The following ZNF285 variants were observed in gnomAD, a reference collection of about 807,000 sequenced individuals.
ZNF285 encodes zinc finger protein 285.
Under a neutral mutation model 6.2 loss-of-function variants are expected in ZNF285, and 4 were observed. The observed-to-expected ratio is 0.65, with a 90% CI of 0.32 to 1.49. The LOEUF is 1.49. Among genes scored for constraint, ZNF285 ranks in the 40% most tolerant of loss-of-function variants. The pLI is 0.07. For missense variants in ZNF285, 695 were observed against 708.8 expected (o/e 0.98, Z 0.22); for synonymous variants, 240 against 245.8 (o/e 0.98, Z 0.22).
rs1283094256 is a variant in ZNF285 at position 44,386,478 on chromosome 19, T to C, written c.1767A>G (p.Thr589=). The change falls in exon 4 of 4, where the codon ACA becomes ACG. Residue 589 remains threonine, a synonymous_variant. Transcript: ENST00000614994. The part of the protein sequence containing the change: ...THQRLHEQRE[T]L The stretch of plus-strand genomic sequence containing the variant: ...GAACCCTGACTTACTACATTTATAA[T>C]GTTTCTCTCTGCTCATGTAGTCTTT... 1 of 1,609,130 alleles carries C rather than the reference T, an allele frequency of 6.2e-7. No individual in the cohort carries two copies. The highest frequency in any genetic ancestry group is 8.5e-7 in the Non-Finnish European group (1 of 1,176,320).
intron 3 of ZNF285, among the ~76,000 whole-genome samples, chr19:44,390,105 C>G (rs955754685): frequency 4.6e-5 from 7 of 152,112 alleles, no homozygotes; most frequent in African/African-American, 1.7e-4. Flanking sequence ...TGTCAGAGCC[C>G]CCACACAGAG....
In ZNF285 at chr19:44,384,625, C is replaced by A. The variant is rs1408116672; in HGVS notation, c.*1847G>T. 6.6e-6 allele frequency: 1 copy of A among 151,902 alleles called. No individual in the cohort carries two copies. Among genetic ancestry groups the A allele is most frequent in the Non-Finnish European group, 1.5e-5 (1 of 67,984 alleles). 9.4% of individuals were successfully genotyped at this position (151,902 alleles called of 1,614,324 possible). Reference sequence around the variant, plus strand: ...TAATGCAAGAAAAACTAGGAATAAACCATGATCCAAATGAAGAAACCTATA... The same window carrying A: ...TAATGCAAGAAAAACTAGGAATAAAACATGATCCAAATGAAGAAACCTATA... On this transcript the variant is annotated 3_prime_UTR_variant, in exon 4 of 4. Coordinates refer to ENST00000614994, the MANE Select transcript of ZNF285 (RefSeq NM_152354.6).
intron 2 of ZNF285, among the ~76,000 whole-genome samples, chr19:44,395,857 A>C (rs1971271774): frequency 6.6e-6 from 1 of 152,098 alleles, no homozygotes; most frequent in African/African-American, 2.4e-5. Context: ...CTCTGTCTTC[A>C]CTATGAGGAC....
rs746611149 is a variant in ZNF285, at chr19:44,386,772, C to A, written c.1473G>T (p.Lys491Asn). ...GAAAATATGAACTGTAACTGAAGCA[C>A]TTTCCACACACTTCACATTTATATG... Reference protein sequence around the residue: ...EKPYKCEVCGKCFSYSSYFHL... With the variant: ...EKPYKCEVCGNCFSYSSYFHL... The change falls in exon 4 of 4, where the codon AAG becomes AAT. Residue 491 changes from lysine (K) to asparagine (N), a missense_variant. Transcript: ENST00000614994. 1.9e-6 allele frequency: 3 copies of A among 1,614,222 alleles called. No homozygotes were observed. Among genetic ancestry groups the A allele is most frequent in the Admixed American group, 1.7e-5 (1 of 60,018 alleles).
chr19:44,394,372 T>C, intron 2 of ZNF285: 1 of 400,328 alleles, frequency 2.5e-6, no homozygotes, highest in Non-Finnish European at 4.4e-6. Flanking sequence ...GTAACTAACC[T>C]GCAGGTTGTG....
At position 44,385,655 on chromosome 19, in the gene ZNF285, A is replaced by G. The variant is rs140607064; in HGVS notation, c.*817T>C. On this transcript the variant is annotated 3_prime_UTR_variant, in exon 4 of 4. Transcript: ENST00000614994. Reference sequence around the variant, plus strand: ...CCACCAAAAATCTCAGTGGTGAGACACAATGAACTTTTATTTCTTACTCTA... The same window carrying G: ...CCACCAAAAATCTCAGTGGTGAGACGCAATGAACTTTTATTTCTTACTCTA... 1 of 152,368 alleles carries G rather than the reference A, an allele frequency of 6.6e-6. No homozygotes were observed. Among genetic ancestry groups the G allele is most frequent in the African/African-American group, 2.4e-5 (1 of 41,586 alleles). The allele number at this position is 152,368 out of a possible 1,614,324, so 9.4% of individuals were successfully genotyped here.
intron 2 of ZNF285, 148 bp downstream of exon 2, chr19:44,397,051 C>T (rs886701409): frequency 2.7e-5 from 32 of 1,188,586 alleles, no homozygotes; most frequent in African/African-American, 2.0e-4. Flanking sequence ...GGGAGTCAAA[C>T]CACCTGCCTC....
intron 2 of ZNF285, among the ~76,000 whole-genome samples, chr19:44,394,099 A>G (rs1208759000): frequency 6.6e-6 from 1 of 152,120 alleles, no homozygotes; most frequent in Non-Finnish European, 1.5e-5. Context: ...TGATGAGTTC[A>G]TGTCCTTTGT....
At position 44,387,933 on chromosome 19, in the gene ZNF285, A is replaced by G. The variant is rs141112664; in HGVS notation, c.312T>C (p.Asp104=). The G allele has an allele frequency of 4.3e-6, 7 of 1,614,010 alleles. No homozygotes were observed. The highest frequency in any genetic ancestry group is 1.6e-4 in the Middle Eastern group (1 of 6,084). Residue 104 remains aspartate, a synonymous_variant, in exon 4 of 4, where the codon GAT becomes GAC. Coordinates refer to ENST00000614994, the MANE Select transcript of ZNF285 (RefSeq NM_152354.6). The part of the protein sequence containing the change: ...LQEECSPHLE[D]VSLSEEWAGI... ...CTGCCCACTCTTCACTGAGGGAAACATCTTCTAAATGTGGGGAACACTCTT... is the reference window on the plus strand; with the variant it reads ...CTGCCCACTCTTCACTGAGGGAAACGTCTTCTAAATGTGGGGAACACTCTT...
At chr19:44,398,993 T>G (rs1971330388) in intron 1 of ZNF285, among the ~76,000 whole-genome samples, 1 of 152,058 alleles carries the variant, frequency 6.6e-6, no homozygotes, top group Non-Finnish European at 1.5e-5. Flanking sequence ...AAAAGGAAAT[T>G]TAGAAGGTAT....
chr19:44,391,061 G>C (rs1287674775), intron 3 of ZNF285, among the ~76,000 whole-genome samples: 1 of 151,794 alleles, frequency 6.6e-6, no homozygotes, highest in Non-Finnish European at 1.5e-5. Context: ...GGCTGAGGCA[G>C]GAGAATTGCT....
chr19:44,397,668 T>A (rs1281394356), intron 1 of ZNF285, among the ~76,000 whole-genome samples: 2 of 152,048 alleles, frequency 1.3e-5, no homozygotes, highest in African/African-American at 4.8e-5. Flanking sequence ...GTGGATCACT[T>A]GAGGCCAGGA....
Position 44,387,577 on chromosome 19 carries a change from T to C in ZNF285, c.668A>G (p.Asn223Ser). 1 of 1,613,940 alleles carries C rather than the reference T, an allele frequency of 6.2e-7. No individual in the cohort carries two copies. The highest frequency in any genetic ancestry group is 8.5e-7 in the Non-Finnish European group (1 of 1,179,850). ...AGGCTGTGGTAATACATGGGCCGCATTACGTTTTTCAACCGTTGATTTCAT... is the reference window on the plus strand; with the variant it reads ...AGGCTGTGGTAATACATGGGCCGCACTACGTTTTTCAACCGTTGATTTCAT... ...LGMKSTVEKRNAAHVLPQPFP... is the reference protein window; with the variant it reads ...LGMKSTVEKRSAAHVLPQPFP... Residue 223 changes from asparagine (N) to serine (S), a missense_variant, in exon 4 of 4, where the codon AAT (asparagine) becomes AGT (serine). Asn to Ser is a conservative substitution (Grantham distance 46, BLOSUM62 1). Transcript: ENST00000614994.
chr19:44,392,126 T>C, intron 3 of ZNF285: 1 of 1,384,392 alleles, frequency 7.2e-7, no homozygotes, highest in Non-Finnish European at 9.4e-7. Context: ...GCCAGGGGTA[T>C]GAGATTTGGG....
intron 2 of ZNF285, among the ~76,000 whole-genome samples, chr19:44,396,448 T>C (rs1352231721): frequency 6.6e-6 from 1 of 152,196 alleles, no homozygotes; most frequent in Non-Finnish European, 1.5e-5. Context: ...CTAATCTAGG[T>C]ATTGCTATGA....
intron 2 of ZNF285, chr19:44,396,900 C>A: frequency 2.6e-6 from 1 of 385,114 alleles, no homozygotes. Context: ...CTGTAAGTTT[C>A]TGAACTTACT....
At chr19:44,388,396 A>C (rs932988280) in intron 3 of ZNF285, among the ~76,000 whole-genome samples, 1 of 148,736 alleles carries the variant, frequency 6.7e-6, no homozygotes, top group African/African-American at 2.6e-5. Context: ...GCTGGGCAAT[A>C]TAATGAGATT....
chr19:44,392,174 C>T, intron 3 of ZNF285, 166 bp downstream of exon 3: 1 of 1,478,800 alleles, frequency 6.8e-7, no homozygotes, highest in East Asian at 2.4e-5. Flanking sequence ...GGGGCCAGAT[C>T]TGTAAAAGCT....
At position 44,387,105 on chromosome 19, in the gene ZNF285, G is replaced by C. The variant is rs1481484284; in HGVS notation, c.1140C>G (p.Gly380=). The C allele has an allele frequency of 6.2e-7, 1 of 1,614,174 alleles. No homozygotes were observed. Among genetic ancestry groups the C allele is most frequent in the Non-Finnish European group, 8.5e-7 (1 of 1,180,020 alleles). The stretch of plus-strand genomic sequence containing the variant: ...CAAGAAGGTTGGAGCTCTGATCAAA[G>C]CCCTTCCCACACTCTTCACATTTAT... ...KPYKCEECGK[G]FDQSSNLLVH... is the part of the protein sequence containing the mutation. Residue 380 remains glycine, a synonymous_variant, in exon 4 of 4, where the codon GGC becomes GGG. Transcript: ENST00000614994.
Sources: allele counts gnomAD v4.1 joint callset (sites outside exome capture counted in the v4.1 genomes callset), GRCh38; gene constraint gnomAD v4.1.1; transcripts MANE v1.5; gene names NCBI Gene and HGNC (gene_info 2026-07-23, HGNC 2026-07-21).